Variants in APLP2 observed in about 807,000 individuals in gnomAD.
APLP2 encodes the protein CDEI box-binding protein.
APLP2 carries 53 observed loss-of-function variants against 89.9 expected under a neutral mutation model. That is an observed-to-expected ratio of 0.59 (90% CI 0.47 to 0.74). The LOEUF (loss-of-function observed/expected upper bound fraction) is 0.74. Ranked by LOEUF, APLP2 falls within the 30% of genes least tolerant of loss-of-function variation. The probability of loss-of-function intolerance (pLI) is 0.00; values close to 1 mark genes in which losing one functional copy is unlikely to be tolerated. For missense variants in APLP2, 973 were observed against 975.9 expected (o/e 1.00, Z 0.04); for synonymous variants, 372 against 348.6 (o/e 1.07, Z -0.75).
In APLP2 at chr11:130,141,420, G is replaced by A. The variant is rs1337672797; in HGVS notation, c.1924-78G>A. 2.4e-5 allele frequency: 28 copies of A among 1,171,142 alleles called. No homozygotes were observed. Among genetic ancestry groups the A allele is most frequent in the Non-Finnish European group, 3.2e-5 (25 of 784,260 alleles). 72.5% of individuals were successfully genotyped at this position (1,171,142 alleles called of 1,614,324 possible). A position where few individuals can be genotyped will look rare whatever the true frequency, so the allele number is the denominator to read the frequency against. The stretch of plus-strand genomic sequence containing the variant: ...GCTTCCTTCCATCAAGCAGCAGGTA[G>A]CAGAGGAAGGAGGCAGTAAATACCA... On this transcript the variant is annotated intron_variant, in intron 14 of 16. Transcript: ENST00000338167. The surrounding 1 kb of genome is among the most constrained non-coding windows in gnomAD (Gnocchi z 4.2).
At chr11:130,081,210 G>A (rs1483792273) in intron 1 of APLP2, among the ~76,000 whole-genome samples, 7 of 151,962 alleles carry the variant, frequency 4.6e-5, no homozygotes. Flanking sequence ...ATTTTGTAAC[G>A]TGTATAGCTT....
At chr11:130,111,565 T>C (rs1231231830) in intron 3 of APLP2, among the ~76,000 whole-genome samples, 1 of 152,226 alleles carries the variant, frequency 6.6e-6, no homozygotes, top group African/African-American at 2.4e-5. Context: ...TGATACTTTT[T>C]CTCATTCTCA....
rs763572421 is a variant in APLP2, at chr11:130,140,535, G to A, written c.1923+52G>A. The A allele has an allele frequency of 2.9e-5, 42 of 1,469,618 alleles. No individual in the cohort carries two copies. The East Asian group carries it at 9.9e-4, about 35-fold the overall frequency. 91.0% of individuals were successfully genotyped at this position (1,469,618 alleles called of 1,614,324 possible). On this transcript the variant is annotated intron_variant, in intron 14 of 16. Coordinates refer to ENST00000338167, the MANE Select transcript of APLP2 (RefSeq NM_001142276.2). ...CACGCTTTACTTTTGAGACTCATTA[G>A]AGCGAGTGACCTGATGTCAGATGCT...
chr11:130,091,612 C>G (rs1386171941), intron 1 of APLP2, among the ~76,000 whole-genome samples: 27 of 133,196 alleles, frequency 2.0e-4, no homozygotes, highest in Admixed American at 1.4e-3. Context: ...CCATCTCCCT[C>G]CCAGACGGGG....
At chr11:130,075,736 C>G (rs1942017160) in intron 1 of APLP2, among the ~76,000 whole-genome samples, 1 of 152,186 alleles carries the variant, frequency 6.6e-6, no homozygotes, top group Non-Finnish European at 1.5e-5. Flanking sequence ...TTGAACATCA[C>G]CCAGCTCGAC....
At chr11:130,131,335 G>A (rs1377621286) in intron 11 of APLP2, among the ~76,000 whole-genome samples, 1 of 152,180 alleles carries the variant, frequency 6.6e-6, no homozygotes, top group Admixed American at 6.5e-5. Context: ...CTGGCCTCAG[G>A]TAATCCGCCC....
chr11:130,124,316 G>A (rs1591829184), intron 7 of APLP2, among the ~76,000 whole-genome samples: 1 of 152,312 alleles, frequency 6.6e-6, no homozygotes, highest in Admixed American at 6.5e-5. Flanking sequence ...AGAGCTAGCA[G>A]CCAAGTGGTA....
rs369336732 is a variant in APLP2 at position 130,123,698 on chromosome 11, C to G, written c.1009C>G (p.Arg337Gly). The G allele has an allele frequency of 1.2e-6, 2 of 1,614,270 alleles. No individual in the cohort carries two copies. The highest frequency in any genetic ancestry group is 2.2e-5 in the East Asian group (1 of 44,884). The change falls in exon 7 of 17, where the codon CGC (arginine) becomes GGC (glycine). Residue 337 changes from arginine to glycine, a missense_variant. By Grantham distance (125) the Arg-to-Gly change is moderately radical (BLOSUM62 -2). Coordinates refer to ENST00000338167, the MANE Select transcript of APLP2 (RefSeq NM_001142276.2). This position sits in a 1 kb window ranked among gnomAD's most constrained non-coding sequence, Gnocchi z 4.0. ...YFDLSKGKCV[R>G]FIYGGCGGNR... ...CGACCTCTCCAAGGGAAAGTGCGTG[C>G]GCTTTATATATGGTGGCTGCGGCGG...
At position 130,083,026 on chromosome 11, in the gene APLP2, C is replaced by CTTTT. The variant is rs553962550; in HGVS notation, c.105+12968_105+12971dup. Among the ~76,000 whole-genome samples the CTTTT allele has an allele frequency of 1.9e-3, 137 of 72,514 alleles. 1 individual carries two copies. The highest frequency in any genetic ancestry group is 2.4e-3 in the East Asian group (5 of 2,116). 47.6% of individuals were successfully genotyped at this position (72,514 alleles called of 152,430 possible). A position where few individuals can be genotyped will look rare whatever the true frequency, so the allele number is the denominator to read the frequency against. ...TATTAACCACTGAAACTTTTCTTTTCTTTTTTTTTTTTTTTTTTTTTTTTT... is the reference window on the plus strand; with the variant it reads ...TATTAACCACTGAAACTTTTCTTTTCTTTTTTTTTTTTTTTTTTTTTTTTTTTTT... On this transcript the variant is annotated intron_variant, in intron 1 of 16. Transcript: ENST00000338167.
At chr11:130,115,262 G>A (rs1377228283) in intron 3 of APLP2, among the ~76,000 whole-genome samples, 1 of 152,044 alleles carries the variant, frequency 6.6e-6, no homozygotes, top group African/African-American at 2.4e-5. Context: ...TATTTATGGA[G>A]TACACGAGAT....
chr11:130,091,859 G>C (rs1399249135), intron 1 of APLP2, among the ~76,000 whole-genome samples: 1 of 146,758 alleles, frequency 6.8e-6, no homozygotes, highest in Non-Finnish European at 1.5e-5. Context: ...GTGGCTGCCG[G>C]GTGGAGACGC....
At chr11:130,073,638 C>A (rs906660330) in intron 1 of APLP2, among the ~76,000 whole-genome samples, 1 of 152,082 alleles carries the variant, frequency 6.6e-6, no homozygotes, top group Non-Finnish European at 1.5e-5. Context: ...GTCAGGAGTT[C>A]GAGACCAGCC....
At position 130,141,993 on chromosome 11, in the gene APLP2, G is replaced by A. The variant is rs200269036; in HGVS notation, c.2073G>A (p.Val691=). Residue 691 remains valine, a synonymous_variant, in exon 16 of 17, where the codon GTG becomes GTA. Coordinates refer to ENST00000338167, the MANE Select transcript of APLP2 (RefSeq NM_001142276.2). The surrounding 1 kb of genome is among the most constrained non-coding windows in gnomAD (Gnocchi z 4.2). ...TCATTGGCCTGCTGGTCATCGCAGT[G>A]GCCATTGCCACGGTCATCGTCATCA... The part of the protein sequence containing the change: ...SALIGLLVIA[V]AIATVIVISL... 3.2e-4 allele frequency: 519 copies of A among 1,614,074 alleles called. 4 individuals are homozygous for A. In the South Asian group the frequency reaches 5.3e-3, roughly 16 times the overall value.
At position 130,069,916 on chromosome 11, in the gene APLP2, G is replaced by C. The variant is rs1940514721; in HGVS notation, c.-62G>C. The C allele has an allele frequency of 1.6e-6, 2 of 1,287,846 alleles. No homozygotes were observed. Among genetic ancestry groups the C allele is most frequent in the East Asian group, 5.9e-5 (2 of 33,664 alleles). 79.8% of individuals were successfully genotyped at this position (1,287,846 alleles called of 1,614,324 possible). ...TTTAGATGCTTCTGGGTCGCGGTGT[G>C]CTAAGCGAGGAGTCCGAGTGTGTGA... is the stretch of plus-strand genomic sequence containing the variant. On this transcript the variant is annotated 5_prime_UTR_variant, in exon 1 of 17. Coordinates refer to ENST00000338167, the MANE Select transcript of APLP2 (RefSeq NM_001142276.2).
At chr11:130,137,425 G>C (rs1951763233) in intron 13 of APLP2, 1 of 860,740 alleles carries the variant, frequency 1.2e-6, no homozygotes, top group Non-Finnish European at 2.0e-6. Context: ...GCTGTGAGTG[G>C]GGTCAGAGCA....
chr11:130,110,499 C>A lies in APLP2; in HGVS notation c.280-39C>A, dbSNP rs748764006. The stretch of plus-strand genomic sequence containing the variant: ...TTACTTGCAAGTGTGTGTCTGTCTG[C>A]AGATTGATTTATTGTGTGTGTGTTT... On this transcript the variant is annotated intron_variant, in intron 2 of 16. Transcript: ENST00000338167. 32 of 1,607,050 alleles carry A rather than the reference C, an allele frequency of 2.0e-5. No individual in the cohort carries two copies. In the East Asian group the frequency reaches 7.2e-4, roughly 36 times the overall value.
At chr11:130,135,287 A>G (rs1565600968) in intron 12 of APLP2, among the ~76,000 whole-genome samples, 1 of 152,192 alleles carries the variant, frequency 6.6e-6, no homozygotes. Context: ...TCAAAGCATT[A>G]TATTTTAGAC....
chr11:130,112,800 C>T (rs774306258), intron 3 of APLP2, among the ~76,000 whole-genome samples: 2 of 152,154 alleles, frequency 1.3e-5, no homozygotes, highest in African/African-American at 2.4e-5. Flanking sequence ...AACTCCTTAG[C>T]GTGGCTTCAA....
At position 130,124,625 on chromosome 11, in the gene APLP2, T is replaced by C. The variant is rs79549384; in HGVS notation, c.1090+846T>C. 4.9e-3 allele frequency among the ~76,000 whole-genome samples: 745 copies of C among 152,356 alleles called. 5 individuals are homozygous for C. The highest frequency in any genetic ancestry group is 0.017 in the African/African-American group (710 of 41,580). ...CCTACTCTGGAATTTGTTGGAGTAA[T>C]AATTTGCTATGAAGAATTTGGCTAT... On this transcript the variant is annotated intron_variant, in intron 7 of 16. Transcript: ENST00000338167.
Sources: allele counts gnomAD v4.1 joint callset (sites outside exome capture counted in the v4.1 genomes callset), GRCh38; gene constraint gnomAD v4.1.1; non-coding constraint Gnocchi (gnomAD v3.1); transcripts MANE v1.5; gene names NCBI Gene and HGNC (gene_info 2026-07-23, HGNC 2026-07-21).